The following KALRN variants were observed in gnomAD, a reference collection of about 807,000 sequenced individuals.
KALRN encodes the protein kalirin RhoGEF kinase, also known as kalirin.
KALRN carries 70 observed loss-of-function variants against 353.7 expected under a neutral mutation model. The observed-to-expected ratio is 0.20, with a 90% confidence interval of 0.16 to 0.24. The LOEUF (loss-of-function observed/expected upper bound fraction) is 0.24, where lower values mean the gene tolerates loss of function less well. Ranked by LOEUF, KALRN falls within the 10% of genes least tolerant of loss-of-function variation. KALRN has a pLI of 1.00. For missense variants in KALRN, 2,791 were observed against 3,756.7 expected (o/e 0.74, Z 6.72); for synonymous variants, 1,391 against 1,434.8 (o/e 0.97, Z 0.69).
chr3:124,675,003 G>GATATATATATATAT (rs141101032), intron 49 of KALRN: 248 of 146,604 alleles, frequency 1.7e-3, no homozygotes, highest in African/African-American at 5.8e-3. Context: ...TTAAGTAACT[G>GATATATATATATAT]ATATATATAT....
intron 34 of KALRN, among the ~76,000 whole-genome samples, chr3:124,583,355 A>C (rs114385305): frequency 0.17 from 25,317 of 152,064 alleles, 2,250 homozygotes; most frequent in Middle Eastern, 0.2. Context: ...CCCTGTGAGT[A>C]ATACAGTGGT....
At chr3:124,674,786 C>T (rs2086963841) in intron 49 of KALRN, 172 bp downstream of exon 49, 1 of 627,760 alleles carries the variant, frequency 1.6e-6, no homozygotes, top group East Asian at 3.2e-5. Context: ...CATGGGGCAT[C>T]CGGGCTGGAG....
chr3:124,516,443 C>T (rs909789945), intron 33 of KALRN, among the ~76,000 whole-genome samples: 6 of 152,196 alleles, frequency 3.9e-5, no homozygotes, highest in African/African-American at 1.4e-4. Flanking sequence ...GTGAAACACT[C>T]AGCACCTTGT....
intron 33 of KALRN, among the ~76,000 whole-genome samples, chr3:124,545,974 G>GT (rs1561261942): frequency 6.6e-6 from 1 of 152,152 alleles, no homozygotes; most frequent in East Asian, 1.9e-4. Context: ...AATTTTTTCC[G>GT]TAAGTCGTCT....
intron 4 of KALRN, among the ~76,000 whole-genome samples, chr3:124,267,348 A>G (rs929614348): frequency 5.9e-5 from 9 of 152,182 alleles, no homozygotes; most frequent in Non-Finnish European, 7.4e-5. Flanking sequence ...TTCTGCCTCA[A>G]TAGGTCTGGG....
At position 124,658,434 on chromosome 3, in the gene KALRN, C is replaced by T. The variant is rs755893667; in HGVS notation, c.6040C>T (p.Arg2014Trp). ...ATGTCTCTCTCTGCTCTTTCAGGAG[C>T]GGAAGCTGCACATCTACGTGTGGTA... ...RLAQLFIKHERKLHIYVWYCQ... is the reference protein window; with the variant it reads ...RLAQLFIKHEWKLHIYVWYCQ... The change falls in exon 42 of 60, where the codon CGG becomes TGG. Residue 2014 changes from arginine (R) to tryptophan (W), a missense_variant. Arg to Trp is a moderately radical substitution (Grantham distance 101). Coordinates refer to ENST00000682506, the MANE Select transcript of KALRN (RefSeq NM_001388419.1). 1.5e-5 allele frequency: 24 copies of T among 1,611,786 alleles called. No individual in the cohort carries two copies. Among genetic ancestry groups the T allele is most frequent in the South Asian group, 9.9e-5 (9 of 91,042 alleles).
chr3:124,513,612 A>T (rs900399666), intron 33 of KALRN, among the ~76,000 whole-genome samples: 11 of 152,214 alleles, frequency 7.2e-5, no homozygotes, highest in African/African-American at 2.4e-4. Flanking sequence ...ACCTTTCTAA[A>T]TTGGAAACAA....
chr3:124,696,052 A>G, intron 53 of KALRN, 82 bp from the exon 54 acceptor site: 3 of 1,499,494 alleles, frequency 2.0e-6, no homozygotes, highest in Non-Finnish European at 2.8e-6. Context: ...TCAGCACACC[A>G]TGGGCCAACC....
intron 1 of KALRN, among the ~76,000 whole-genome samples, chr3:124,060,263 G>T (rs2041887757): frequency 6.6e-6 from 1 of 152,164 alleles, no homozygotes; most frequent in South Asian, 2.1e-4. Flanking sequence ...CATTTGGGGT[G>T]GGGGCCAGAT....
intron 6 of KALRN, among the ~76,000 whole-genome samples, chr3:124,313,313 C>T (rs558021683): frequency 3.9e-4 from 59 of 152,270 alleles, no homozygotes; most frequent in Admixed American, 3.4e-3. Flanking sequence ...ATCCAGTGGT[C>T]GCTGTTAACA....
chr3:124,105,452 A>G (rs1457212283), intron 1 of KALRN, among the ~76,000 whole-genome samples: 2 of 152,246 alleles, frequency 1.3e-5, no homozygotes, highest in Non-Finnish European at 2.9e-5. Flanking sequence ...GGAAGACAGC[A>G]TAGAGAAAAG....
chr3:124,593,679 T>C (rs943123656), intron 34 of KALRN, among the ~76,000 whole-genome samples: 4 of 152,192 alleles, frequency 2.6e-5, no homozygotes, highest in African/African-American at 9.7e-5. Context: ...GTTTGAGACA[T>C]TGTAGAGGCC....
At chr3:124,714,803 G>T (rs1337225379) in intron 58 of KALRN, among the ~76,000 whole-genome samples, 1 of 152,162 alleles carries the variant, frequency 6.6e-6, no homozygotes, top group Non-Finnish European at 1.5e-5. Flanking sequence ...ATCACTTGAG[G>T]TCAGGAGTTC....
intron 57 of KALRN, among the ~76,000 whole-genome samples, chr3:124,702,505 T>A (rs1421298437): frequency 2.0e-5 from 3 of 152,238 alleles, no homozygotes; most frequent in African/African-American, 7.2e-5. Context: ...ATGAGATTTT[T>A]AAAGGTATGA....
intron 34 of KALRN, among the ~76,000 whole-genome samples, chr3:124,626,542 C>A (rs1224052988): frequency 2.6e-5 from 4 of 152,098 alleles, no homozygotes; most frequent in African/African-American, 9.7e-5. Flanking sequence ...CATACCAGAA[C>A]ATTAGGGGCT....
At chr3:124,161,353 T>C (rs1292652701) in intron 1 of KALRN, among the ~76,000 whole-genome samples, 1 of 152,226 alleles carries the variant, frequency 6.6e-6, no homozygotes, top group Non-Finnish European at 1.5e-5. Flanking sequence ...TTAATGCTTT[T>C]GGATGGCTCT....
At chr3:124,371,058 G>A (rs1357219334) in intron 10 of KALRN, among the ~76,000 whole-genome samples, 1 of 152,124 alleles carries the variant, frequency 6.6e-6, no homozygotes, top group Non-Finnish European at 1.5e-5. Flanking sequence ...TTCCACCCAA[G>A]CTTCACCATA....
chr3:124,054,037 G>A (rs1488450058), intron 1 of KALRN, among the ~76,000 whole-genome samples: 1 of 152,196 alleles, frequency 6.6e-6, no homozygotes, highest in Non-Finnish European at 1.5e-5. Flanking sequence ...GTCAAGAATT[G>A]TTCTAGATAA....
intron 3 of KALRN, among the ~76,000 whole-genome samples, chr3:124,260,399 A>G (rs975572315): frequency 2.0e-5 from 3 of 152,144 alleles, no homozygotes; most frequent in Non-Finnish European, 4.4e-5. Context: ...GCTCAGCCCT[A>G]CATGGCAGGG....
Sources: allele counts gnomAD v4.1 joint callset (sites outside exome capture counted in the v4.1 genomes callset), GRCh38; gene constraint gnomAD v4.1.1; transcripts MANE v1.5; gene names NCBI Gene and HGNC (gene_info 2026-07-23, HGNC 2026-07-21).